The following DENND5B variants were observed in gnomAD, a reference collection of about 807,000 sequenced individuals.
DENND5B encodes the protein DENN domain containing 5B, also known as DENN domain-containing protein 5B.
In DENND5B, 34 loss-of-function variants were observed where a neutral mutation model predicts 140.6. That is an observed-to-expected ratio of 0.24 (90% CI 0.18 to 0.32). The LOEUF (loss-of-function observed/expected upper bound fraction) is 0.32. Among genes scored for constraint, DENND5B ranks in the 10% least tolerant of loss-of-function variants. The pLI is 1.00. For missense variants in DENND5B, 1,142 were observed against 1,560.2 expected (o/e 0.73, Z 4.52); for synonymous variants, 551 against 562.1 (o/e 0.98, Z 0.28).
At chr12:31,516,171 A>G (rs906679498) in intron 1 of DENND5B, among the ~76,000 whole-genome samples, 2 of 152,086 alleles carry the variant, frequency 1.3e-5, no homozygotes, top group African/African-American at 4.8e-5. Flanking sequence ...CTGTGTTAGT[A>G]TATCTCGCAC....
intron 8 of DENND5B, among the ~76,000 whole-genome samples, chr12:31,428,992 A>G (rs1379386974): frequency 3.3e-5 from 5 of 151,894 alleles, no homozygotes; most frequent in African/African-American, 1.2e-4. Context: ...CGGCCTCCCA[A>G]AGTGCTGGGA....
chr12:31,511,535 GT>G (rs1459203185), intron 1 of DENND5B, among the ~76,000 whole-genome samples: 1 of 97,198 alleles, frequency 1.0e-5, no homozygotes, highest in Non-Finnish European at 1.9e-5. Flanking sequence ...TGAATATGAT[GT>G]CTTTTTTTTT....
At chr12:31,422,544 T>C (rs905942357) in intron 11 of DENND5B, among the ~76,000 whole-genome samples, 3 of 152,016 alleles carry the variant, frequency 2.0e-5, no homozygotes, top group African/African-American at 7.2e-5. Context: ...GAGGTTGCAG[T>C]GAGCCGAGAT....
chr12:31,553,321 C>T (rs1205444362), intron 1 of DENND5B, among the ~76,000 whole-genome samples: 9 of 152,128 alleles, frequency 5.9e-5, no homozygotes, highest in African/African-American at 1.9e-4. Flanking sequence ...TCATTATTTA[C>T]CCAGTAGTCA....
chr12:31,542,225 T>C (rs1038820140), intron 1 of DENND5B, among the ~76,000 whole-genome samples: 13 of 150,792 alleles, frequency 8.6e-5, no homozygotes, highest in African/African-American at 3.2e-4. Context: ...GAGGTGGAGG[T>C]TGCAGTGAGC....
chr12:31,564,195 T>C (rs1949558491), intron 1 of DENND5B, among the ~76,000 whole-genome samples: 1 of 152,190 alleles, frequency 6.6e-6, no homozygotes, highest in African/African-American at 2.4e-5. Flanking sequence ...ATTATATATA[T>C]ACACATTAAA....
chr12:31,577,659 T>C (rs994256770), intron 1 of DENND5B, among the ~76,000 whole-genome samples: 23 of 134,954 alleles, frequency 1.7e-4, no homozygotes, highest in African/African-American at 6.5e-4. Context: ...TGCAGTGAGC[T>C]GAGATTGCGC....
intron 8 of DENND5B, among the ~76,000 whole-genome samples, chr12:31,428,575 T>C (rs12320860): frequency 9.1e-4 from 138 of 151,230 alleles, no homozygotes; most frequent in African/African-American, 2.8e-3. Flanking sequence ...CTAATTTTTG[T>C]ATTTTTTTTT....
intron 15 of DENND5B, 90 bp from the exon 16 acceptor site, chr12:31,399,862 C>A (rs1165728987): frequency 2.3e-6 from 2 of 879,840 alleles, no homozygotes; most frequent in Non-Finnish European, 3.6e-6. Flanking sequence ...TCTAATTTAA[C>A]AACTGCAGAG....
At chr12:31,451,060 C>T (rs868592208) in intron 5 of DENND5B, among the ~76,000 whole-genome samples, 44 of 152,224 alleles carry the variant, frequency 2.9e-4, no homozygotes, top group African/African-American at 9.4e-4. Context: ...CACTCTTTTT[C>T]TCCTTTTATC....
At chr12:31,412,935 T>A (rs948236175) in intron 13 of DENND5B, among the ~76,000 whole-genome samples, 6 of 152,156 alleles carry the variant, frequency 3.9e-5, no homozygotes, top group Admixed American at 1.3e-4. Context: ...CCGGCCTTTT[T>A]TTTTTGAGAT....
chr12:31,549,638 C>G (rs1016491275), intron 1 of DENND5B, among the ~76,000 whole-genome samples: 2 of 151,810 alleles, frequency 1.3e-5, no homozygotes, highest in African/African-American at 4.8e-5. Flanking sequence ...ACCTATCAAC[C>G]CATCACCTAG....
intron 1 of DENND5B, among the ~76,000 whole-genome samples, chr12:31,538,328 A>G (rs1469476238): frequency 1.3e-5 from 2 of 152,224 alleles, no homozygotes; most frequent in Admixed American, 6.5e-5. Flanking sequence ...CTCTGACCAC[A>G]ATAGAATAAA....
At chr12:31,470,805 A>G (rs182414462) in intron 3 of DENND5B, among the ~76,000 whole-genome samples, 23 of 152,324 alleles carry the variant, frequency 1.5e-4, no homozygotes, top group Admixed American at 8.5e-4. Context: ...GAGATTTGTT[A>G]TAACAGCCCA....
chr12:31,390,901 C>T (rs549478702), intron 19 of DENND5B, among the ~76,000 whole-genome samples: 1 of 151,958 alleles, frequency 6.6e-6, no homozygotes, highest in South Asian at 2.1e-4. Context: ...GGTGTAATCC[C>T]AGCTAATCAG....
Position 31,415,375 on chromosome 12 carries a change from C to A in DENND5B, c.2544G>T (p.Gln848His), listed in dbSNP as rs1190995165. 6.2e-7 allele frequency: 1 copy of A among 1,607,146 alleles called. No homozygotes were observed. Among genetic ancestry groups the A allele is most frequent in the Admixed American group, 1.7e-5 (1 of 59,416 alleles). Residue 848 changes from glutamine (Q) to histidine (H), a missense_variant, in exon 12 of 21, where the codon CAG becomes CAT. Gln to His is a conservative substitution (Grantham distance 24). This residue lies in a region of DENND5B where 268 missense variants were observed against 349.2 expected (regional missense o/e 0.77). Transcript: ENST00000389082. The part of the protein sequence containing the change: ...MLPTLRVSLI[Q>H]DMRHIQNMSE... The stretch of plus-strand genomic sequence containing the variant: ...GTATTAATAACAAATACCTCATGTC[C>A]TGAATAAGAGAGACCCTGAGCGTTG...
At chr12:31,391,941 C>G (rs1037628953) in intron 19 of DENND5B, among the ~76,000 whole-genome samples, 60 of 151,938 alleles carry the variant, frequency 3.9e-4, no homozygotes, top group Admixed American at 1.6e-3. Context: ...GAGTTCAAGA[C>G]CAGCCTGGCC....
intron 1 of DENND5B, among the ~76,000 whole-genome samples, chr12:31,523,607 CA>C (rs201384267): frequency 3.4e-3 from 477 of 139,082 alleles, no homozygotes; most frequent in Middle Eastern, 7.2e-3. Flanking sequence ...TGCTTTTCCT[CA>C]AAAAAAAAAA....
At chr12:31,478,492 C>A (rs1304445464) in intron 3 of DENND5B, among the ~76,000 whole-genome samples, 1 of 152,042 alleles carries the variant, frequency 6.6e-6, no homozygotes, top group Non-Finnish European at 1.5e-5. Flanking sequence ...ATCATTTGAG[C>A]CTAGGATTTT....
Sources: gnomAD v4.1 joint callset for allele counts (sites outside exome capture counted in the v4.1 genomes callset) on GRCh38, gnomAD v4.1.1 for gene constraint, gnomAD v4.1.1 regional missense constraint, MANE v1.5 for transcripts, NCBI Gene and HGNC (gene_info 2026-07-23, HGNC 2026-07-21) for gene names.